Variants in ANKFY1 observed in about 807,000 individuals in gnomAD.
ANKFY1 encodes ankyrin repeat and FYVE domain containing 1, also known as ankyrin repeat and FYVE domain-containing protein 1.
In ANKFY1, 47 loss-of-function variants were observed where a neutral mutation model predicts 128.3. That is an observed-to-expected ratio of 0.37 (90% CI 0.29 to 0.47). The LOEUF is 0.47. Among genes scored for constraint, ANKFY1 ranks in the 20% least tolerant of loss-of-function variants. The probability of loss-of-function intolerance (pLI) is 1.00; values close to 1 mark genes in which losing one functional copy is unlikely to be tolerated. For missense variants in ANKFY1, 1,222 were observed against 1,510.6 expected (o/e 0.81, Z 3.17); for synonymous variants, 553 against 601.6 (o/e 0.92, Z 1.18).
rs71144176 is a variant in ANKFY1 at position 4,251,535 on chromosome 17, T to TA, written c.11-9088dup. Among the ~76,000 whole-genome samples, 771 of 130,888 alleles carry TA rather than the reference T, an allele frequency of 5.9e-3. 7 individuals carry two copies. The highest frequency in any genetic ancestry group is 0.023 in the South Asian group (95 of 4,206). 85.9% of individuals were successfully genotyped at this position (130,888 alleles called of 152,430 possible). A position where few individuals can be genotyped will look rare whatever the true frequency, so the allele number is the denominator to read the frequency against. ...AAATTTTTAAAAATTAAATAAAAAT[T>TA]AAAAAAAAAAAAAACAAAAACTACA... is the stretch of plus-strand genomic sequence containing the variant. On this transcript the variant is annotated intron_variant, in intron 1 of 24. Transcript: ENST00000341657.
intron 12 of ANKFY1, among the ~76,000 whole-genome samples, chr17:4,184,391 G>T (rs544842808): frequency 6.6e-6 from 1 of 152,322 alleles, no homozygotes; most frequent in South Asian, 2.1e-4. Context: ...GCAAGAGAAG[G>T]CGTGAGGGAG....
At chr17:4,176,802 A>G (rs2059418723) in intron 19 of ANKFY1, among the ~76,000 whole-genome samples, 2 of 152,250 alleles carry the variant, frequency 1.3e-5, no homozygotes, top group Admixed American at 1.3e-4. Flanking sequence ...ATTAAGAGAG[A>G]CAGCTCACTT....
intron 1 of ANKFY1, among the ~76,000 whole-genome samples, chr17:4,252,885 G>C (rs1017465362): frequency 6.6e-6 from 1 of 152,196 alleles, no homozygotes; most frequent in African/African-American, 2.4e-5. Flanking sequence ...CCAGACACAT[G>C]AGGTACAGAT....
chr17:4,224,218 T>A (rs966824988), intron 3 of ANKFY1, among the ~76,000 whole-genome samples: 1 of 74,438 alleles, frequency 1.3e-5, no homozygotes, highest in South Asian at 5.8e-4. Context: ...TTTGAAGTTT[T>A]TTTTTTTTTT....
chr17:4,206,244 C>T, intron 7 of ANKFY1, 77 bp downstream of exon 7: 1 of 1,516,508 alleles, frequency 6.6e-7, no homozygotes, highest in East Asian at 2.3e-5. Flanking sequence ...ATTTTGGGAA[C>T]AAGGTCAGAA....
rs966990163 is a variant in ANKFY1 at position 4,178,792 on chromosome 17, T to A, written c.2598+65A>T. The A allele has an allele frequency of 6.8e-7, 1 of 1,476,890 alleles. No homozygotes were observed. Among genetic ancestry groups the A allele is most frequent in the Non-Finnish European group, 9.4e-7 (1 of 1,061,634 alleles). 91.5% of individuals were successfully genotyped at this position (1,476,890 alleles called of 1,614,324 possible). On this transcript the variant is annotated intron_variant, in intron 18 of 24. Coordinates refer to ENST00000341657, the MANE Select transcript of ANKFY1 (RefSeq NM_001330063.2). The surrounding 1 kb of genome is among the most constrained non-coding windows in gnomAD (Gnocchi z 4.1). The stretch of plus-strand genomic sequence containing the variant: ...GGAGACCTGTTTAGTCGGTGACATC[T>A]GTCTAGTCTCCAGGTTCCGCGACGC...
intron 3 of ANKFY1, chr17:4,222,703 G>C: frequency 1.2e-6 from 1 of 867,556 alleles, no homozygotes; most frequent in Non-Finnish European, 2.0e-6. Flanking sequence ...ACTTCTACGC[G>C]TGTTTTATAT....
At chr17:4,193,500 T>G (rs1446447345) in intron 10 of ANKFY1, among the ~76,000 whole-genome samples, 1 of 143,798 alleles carries the variant, frequency 7.0e-6, no homozygotes, top group Non-Finnish European at 1.5e-5. Flanking sequence ...CGATCTTGGC[T>G]CACTGCAACC....
intron 1 of ANKFY1, among the ~76,000 whole-genome samples, chr17:4,256,631 G>A (rs879817580): frequency 6.6e-6 from 1 of 152,098 alleles, no homozygotes; most frequent in Non-Finnish European, 1.5e-5. Flanking sequence ...GAAAAGTAGT[G>A]CCATTAATCA....
At chr17:4,225,465 T>C (rs1170913027) in intron 3 of ANKFY1, among the ~76,000 whole-genome samples, 1 of 152,186 alleles carries the variant, frequency 6.6e-6, no homozygotes, top group East Asian at 1.9e-4. Context: ...TCCTTAAATA[T>C]AACCTCCTGG....
In ANKFY1 at chr17:4,228,569, C is replaced by T. The variant is rs148441004; in HGVS notation, c.322+7203G>A. On this transcript the variant is annotated intron_variant, in intron 3 of 24. Transcript: ENST00000341657. Reference sequence around the variant, plus strand: ...TAGCTGAGATTATAGGCATGTGCCACCATGCTCGGCTAATTTTTTGTATTT... The same window carrying T: ...TAGCTGAGATTATAGGCATGTGCCATCATGCTCGGCTAATTTTTTGTATTT... 5.2e-3 allele frequency among the ~76,000 whole-genome samples: 792 copies of T among 152,218 alleles called. 2 individuals carry two copies. Among genetic ancestry groups the T allele is most frequent in the Non-Finnish European group, 7.4e-3 (502 of 68,016 alleles).
chr17:4,205,790 G>A (rs1383774279), intron 7 of ANKFY1, among the ~76,000 whole-genome samples: 1 of 151,856 alleles, frequency 6.6e-6, no homozygotes, highest in Non-Finnish European at 1.5e-5. Context: ...TATCATTTCT[G>A]TATTCTTCCA....
At chr17:4,243,932 A>ATT (rs113664000) in intron 1 of ANKFY1, among the ~76,000 whole-genome samples, 1,961 of 144,492 alleles carry the variant, frequency 0.014, 20 homozygotes, top group African/African-American at 0.024. Flanking sequence ...AAGATAAACA[A>ATT]TTTTTTTTTT....
intron 1 of ANKFY1, among the ~76,000 whole-genome samples, chr17:4,260,898 C>T (rs904266712): frequency 1.3e-5 from 2 of 152,150 alleles, no homozygotes; most frequent in Non-Finnish European, 2.9e-5. Flanking sequence ...CAGGGAAGTT[C>T]CCATAGTGTG....
intron 12 of ANKFY1, among the ~76,000 whole-genome samples, chr17:4,184,128 T>A (rs139228842): frequency 6.6e-6 from 1 of 152,318 alleles, no homozygotes; most frequent in East Asian, 1.9e-4. Context: ...CTTAAAACAC[T>A]GACTCTTCAC....
chr17:4,252,033 TAAAAAA>T (rs537446947), intron 1 of ANKFY1, among the ~76,000 whole-genome samples: 3 of 94,388 alleles, frequency 3.2e-5, no homozygotes, highest in African/African-American at 1.2e-4. Context: ...GACTCCGTCT[TAAAAAA>T]AAAAAAAAAA....
intron 10 of ANKFY1, chr17:4,194,741 C>T (rs1020466355): frequency 1.7e-5 from 9 of 520,938 alleles, no homozygotes; most frequent in Admixed American, 3.4e-5. Context: ...GTCTGCGAGT[C>T]GCCGCATTAA....
At chr17:4,177,352 T>C in intron 18 of ANKFY1, 50 bp from the exon 19 acceptor site, 1 of 1,494,666 alleles carries the variant, frequency 6.7e-7, no homozygotes, top group Non-Finnish European at 9.0e-7. Flanking sequence ...TCAGAGTACC[T>C]CCTGAGCTTC....
intron 3 of ANKFY1, chr17:4,222,826 GT>G: frequency 1.0e-6 from 1 of 964,864 alleles, no homozygotes; most frequent in South Asian, 1.3e-5. Context: ...GCCAGCAGGA[GT>G]TCCCAAGGGT....
Sources: allele counts gnomAD v4.1 joint callset (sites outside exome capture counted in the v4.1 genomes callset), GRCh38; gene constraint gnomAD v4.1.1; non-coding constraint Gnocchi (gnomAD v3.1); transcripts MANE v1.5; gene names NCBI Gene and HGNC (gene_info 2026-07-23, HGNC 2026-07-21).